The following NAALADL2 variants were observed in gnomAD, a reference collection of about 807,000 sequenced individuals.
NAALADL2 encodes inactive N-acetylated-alpha-linked acidic dipeptidase-like protein 2.
In NAALADL2, 76 loss-of-function variants were observed where a neutral mutation model predicts 87.2. The observed-to-expected ratio is 0.87, with a 90% CI of 0.72 to 1.05. NAALADL2 has a LOEUF of 1.05. NAALADL2 is among the 50% of genes least tolerant of loss of function. The pLI is 0.00. For synonymous variants in NAALADL2, 354 were observed against 331.0 expected (o/e 1.07, Z -0.75); for missense variants, 1,089 against 945.8 (o/e 1.15, Z -1.99).
intron 1 of NAALADL2, among the ~76,000 whole-genome samples, chr3:174,525,674 T>C (rs1049759202): frequency 6.6e-6 from 1 of 152,182 alleles, no homozygotes; most frequent in South Asian, 2.1e-4. Flanking sequence ...TTTTAGATAA[T>C]CCATAAATTA....
At chr3:174,750,768 G>T (rs917553337) in intron 3 of NAALADL2, among the ~76,000 whole-genome samples, 3 of 152,070 alleles carry the variant, frequency 2.0e-5, no homozygotes, top group African/African-American at 7.2e-5. Flanking sequence ...TAAAGCATTG[G>T]AAAGTATCCA....
At chr3:175,305,664 A>T (rs1280423192) in intron 4 of NAALADL2, among the ~76,000 whole-genome samples, 3 of 152,032 alleles carry the variant, frequency 2.0e-5, no homozygotes, top group Non-Finnish European at 4.4e-5. Flanking sequence ...CTGGGATTAC[A>T]GGCATGCACC....
At chr3:174,456,498 A>G (rs191451557) in intron 1 of NAALADL2, among the ~76,000 whole-genome samples, 1 of 151,826 alleles carries the variant, frequency 6.6e-6, no homozygotes, top group Admixed American at 6.6e-5. Context: ...CCAAAACAGC[A>G]TGGCACTGGT....
chr3:175,358,182 T>A (rs1225339603), intron 5 of NAALADL2, among the ~76,000 whole-genome samples: 2 of 152,206 alleles, frequency 1.3e-5, no homozygotes, highest in African/African-American at 4.8e-5. Context: ...TTCCCACTTG[T>A]GGGCTTACTG....
chr3:175,333,006 G>T (rs115172434), intron 5 of NAALADL2, among the ~76,000 whole-genome samples: 2,127 of 152,194 alleles, frequency 0.014, 56 homozygotes, highest in African/African-American at 0.049. Context: ...CATTCTATAT[G>T]TGTCTTTACA....
At chr3:174,762,520 A>C (rs1485372568) in intron 3 of NAALADL2, among the ~76,000 whole-genome samples, 1 of 151,008 alleles carries the variant, frequency 6.6e-6, no homozygotes, top group Non-Finnish European at 1.5e-5. Context: ...TGATTCCATT[A>C]AATTAGCTCC....
At chr3:174,787,677 A>ATATTT (rs1303334218) in intron 3 of NAALADL2, among the ~76,000 whole-genome samples, 1 of 138,006 alleles carries the variant, frequency 7.2e-6, no homozygotes, top group African/African-American at 2.6e-5. Flanking sequence ...TCAAAACTGG[A>ATATTT]CTTTTTGAAA....
At chr3:175,018,295 G>A (rs1301236573) in intron 1 of NAALADL2, among the ~76,000 whole-genome samples, 1 of 151,862 alleles carries the variant, frequency 6.6e-6, no homozygotes, top group Non-Finnish European at 1.5e-5. Context: ...GATTTTAGTC[G>A]GCTCTTGCAG....
At chr3:175,272,108 A>G (rs918678162) in intron 4 of NAALADL2, among the ~76,000 whole-genome samples, 52 of 152,200 alleles carry the variant, frequency 3.4e-4, no homozygotes, top group African/African-American at 1.2e-3. Flanking sequence ...ACGTTACCAC[A>G]TATTAGTGAT....
At chr3:175,341,694 T>G (rs2148839912) in intron 5 of NAALADL2, among the ~76,000 whole-genome samples, 1 of 152,276 alleles carries the variant, frequency 6.6e-6, no homozygotes, top group South Asian at 2.1e-4. Flanking sequence ...TGTGGTTTGT[T>G]ATTTTTTAAA....
chr3:174,472,755 T>A (rs9290500), intron 1 of NAALADL2, among the ~76,000 whole-genome samples: 1 of 151,866 alleles, frequency 6.6e-6, no homozygotes, highest in South Asian at 2.1e-4. Flanking sequence ...AGTATCTTGC[T>A]GGCTGTAATA....
chr3:174,796,791 A>T (rs1314946157), intron 3 of NAALADL2, among the ~76,000 whole-genome samples: 1 of 95,766 alleles, frequency 1.0e-5, no homozygotes, highest in Non-Finnish European at 2.2e-5. Context: ...CTTTTGAGAA[A>T]TATCTATTTG....
At chr3:175,718,222 T>TGTTTTTTTG in intron 11 of NAALADL2, 2 of 1,051,552 alleles carry the variant, frequency 1.9e-6, no homozygotes, top group Non-Finnish European at 1.4e-6. Context: ...TTTTTTTTTT[T>TGTTTTTTTG]TGATTAGTTG....
At chr3:175,184,536 G>A (rs192740967) in intron 2 of NAALADL2, among the ~76,000 whole-genome samples, 218 of 150,818 alleles carry the variant, frequency 1.4e-3, no homozygotes, top group African/African-American at 5.0e-3. Context: ...CTGAAATTTC[G>A]CCACCAAGAT....
intron 2 of NAALADL2, among the ~76,000 whole-genome samples, chr3:174,658,627 A>C (rs943414188): frequency 9.2e-5 from 14 of 152,180 alleles, no homozygotes; most frequent in Admixed American, 6.5e-4. Context: ...GGCTTCTGAA[A>C]GTGAGAAATT....
chr3:175,271,515 G>A (rs749947818), intron 4 of NAALADL2, among the ~76,000 whole-genome samples: 5 of 152,272 alleles, frequency 3.3e-5, no homozygotes, highest in Middle Eastern at 3.4e-3. Flanking sequence ...CACTTAGGCC[G>A]GTGTGGTGGC....
intron 2 of NAALADL2, among the ~76,000 whole-genome samples, chr3:175,197,633 GTTAA>G (rs71960608): frequency 0.11 from 16,277 of 151,816 alleles, 953 homozygotes; most frequent in Middle Eastern, 0.14. Context: ...AGTAATAAAT[GTTAA>G]TTAATTAATT....
chr3:174,927,682 G>A (rs565687734), intron 1 of NAALADL2, among the ~76,000 whole-genome samples: 1 of 152,046 alleles, frequency 6.6e-6, no homozygotes, highest in Non-Finnish European at 1.5e-5. Context: ...CACAACATAC[G>A]AGAATCTCTG....
Position 174,796,142 on chromosome 3 carries a change from C to T in NAALADL2, c.-9+58396C>T, listed in dbSNP as rs560072052. Among the ~76,000 whole-genome samples the T allele has an allele frequency of 5.9e-5, 9 of 152,162 alleles. No homozygotes were observed. In the South Asian group the frequency reaches 6.2e-4, roughly 11 times the overall value. ...CGAGAGATGCCTTGCACAGAAGAAA[C>T]GGCATGTGAGGACACAAGAGAGAAG... On this transcript the variant is annotated intron_variant, in intron 3 of 3. Coordinates refer to the NAALADL2 transcript ENST00000434257.
Sources: allele counts gnomAD v4.1 joint callset (sites outside exome capture counted in the v4.1 genomes callset), GRCh38; gene constraint gnomAD v4.1.1; transcripts MANE v1.5; gene names NCBI Gene and HGNC (gene_info 2026-07-23, HGNC 2026-07-21).